FBXO38: variants seen among roughly 807,000 people sequenced by gnomAD.
FBXO38 encodes F-box only protein 38.
In FBXO38, 53 loss-of-function variants were observed where a neutral mutation model predicts 131.9. The ratio of observed to expected loss-of-function variants is 0.40; its 90% CI spans 0.32 to 0.51. FBXO38 has a LOEUF of 0.51. Ranked by LOEUF, FBXO38 falls within the 20% of genes least tolerant of loss-of-function variation. FBXO38 has a pLI of 0.53. For missense variants in FBXO38, 1,076 were observed against 1,475.6 expected (o/e 0.73, Z 4.44); for synonymous variants, 452 against 505.6 (o/e 0.89, Z 1.42).
chr5:148,386,222 G>GA (rs1757906347), intron 1 of FBXO38, among the ~76,000 whole-genome samples: 1 of 152,124 alleles, frequency 6.6e-6, no homozygotes. Context: ...CCAAGCACTA[G>GA]GGCATTGCTC....
At chr5:148,397,862 G>T (rs1354118106) in intron 2 of FBXO38, among the ~76,000 whole-genome samples, 1 of 152,172 alleles carries the variant, frequency 6.6e-6, no homozygotes, top group Non-Finnish European at 1.5e-5. Context: ...CTATGTCAGT[G>T]AAGTGCCAGC....
Position 148,410,659 on chromosome 5 carries a change from T to A in FBXO38, c.987T>A (p.Pro329=), listed in dbSNP as rs1275510300. 6.2e-7 allele frequency: 1 copy of A among 1,613,968 alleles called. No individual in the cohort carries two copies. Among genetic ancestry groups the A allele is most frequent in the Non-Finnish European group, 8.5e-7 (1 of 1,179,986 alleles). Residue 329 remains proline, a synonymous_variant, in exon 9 of 22, where the codon CCT becomes CCA. Transcript: ENST00000340253. ...ARRLHEVRIQ[P]SLTKDGVFSA... The stretch of plus-strand genomic sequence containing the variant: ...GGTTACATGAAGTTCGGATCCAGCC[T>A]TCCCTAACCAAAGATGGTGTCTTTT...
At chr5:148,423,873 G>A (rs1008357896) in intron 12 of FBXO38, 125 bp from the exon 13 acceptor site, 3 of 759,048 alleles carry the variant, frequency 4.0e-6, no homozygotes, top group Admixed American at 2.8e-5. Context: ...AGTATATGCT[G>A]TTCTTTCAGG....
rs150669186 is a variant in FBXO38, at chr5:148,396,500, G to A, written c.128+1596G>A. ...AAATAAAAGCACATTTTTATCTCAT[G>A]TCTTACAGCTAAATTCAAAATGGGT... is the stretch of plus-strand genomic sequence containing the variant. On this transcript the variant is annotated intron_variant, in intron 2 of 21. Coordinates refer to ENST00000340253, the MANE Select transcript of FBXO38 (RefSeq NM_205836.3). 8.5e-5 allele frequency among the ~76,000 whole-genome samples: 13 copies of A among 152,264 alleles called. No individual in the cohort carries two copies. In the East Asian group the frequency reaches 2.5e-3, roughly 29 times the overall value.
chr5:148,391,711 G>A lies in FBXO38; in HGVS notation c.-63-3003G>A, dbSNP rs140374009. On this transcript the variant is annotated intron_variant, in intron 1 of 21. Transcript: ENST00000340253. ...TCTGAACCAGGATTCCTTGTAGGCC[G>A]ATTGTTTTGTTTTGCTTGGCCATGT... is the stretch of plus-strand genomic sequence containing the variant. Among the ~76,000 whole-genome samples, 169 of 152,238 alleles carry A rather than the reference G, an allele frequency of 1.1e-3. 3 individuals carry two copies. The South Asian group carries it at 0.033, about 30-fold the overall frequency.
intron 1 of FBXO38, among the ~76,000 whole-genome samples, chr5:148,386,924 CAATT>C (rs138059807): frequency 0.034 from 5,239 of 151,938 alleles, 273 homozygotes; most frequent in African/African-American, 0.12. Flanking sequence ...AAAATGCTAA[CAATT>C]AATCTGAGCC....
intron 8 of FBXO38, 190 bp from the exon 9 acceptor site, chr5:148,410,442 TGCC>T: frequency 1.6e-6 from 1 of 609,898 alleles, no homozygotes. Context: ...TGCTCCTTTT[TGCC>T]TTCAGCCATG....
rs192062226 is a variant in FBXO38, at chr5:148,416,886, C to G, written c.1408-108C>G. The G allele has an allele frequency of 9.7e-4, 667 of 684,864 alleles. 6 individuals are homozygous for G. The African/African-American group carries it at 0.011, about 11-fold the overall frequency. The allele number at this position is 684,864 out of a possible 1,614,324, so 42.4% of individuals were successfully genotyped here. ...TGTGAAAGCATTTCATAAATAAGTA[C>G]TATATAAATATTAGTTATAATGTAA... is the stretch of plus-strand genomic sequence containing the variant. On this transcript the variant is annotated intron_variant, in intron 11 of 21. Transcript: ENST00000340253.
intron 6 of FBXO38, 59 bp from the exon 7 acceptor site, chr5:148,406,198 T>A (rs1752435816): frequency 6.9e-7 from 1 of 1,441,144 alleles, no homozygotes; most frequent in African/African-American, 1.5e-5. Flanking sequence ...TTTCACTGAT[T>A]TGAAATTCAT....
chr5:148,433,242 A>G (rs552208901), intron 15 of FBXO38, 182 bp from the exon 16 acceptor site: 36 of 554,662 alleles, frequency 6.5e-5, no homozygotes, highest in Admixed American at 4.6e-4. Flanking sequence ...GTTTGAAGTA[A>G]TGGAGGGTGA....
At chr5:148,398,847 G>T (rs999407124) in intron 2 of FBXO38, 152 bp from the exon 3 acceptor site, 1 of 831,118 alleles carries the variant, frequency 1.2e-6, no homozygotes, top group Admixed American at 2.8e-5. Context: ...GTAAAAAGCT[G>T]TATGACCGTA....
In FBXO38 at chr5:148,394,782, G is replaced by A; in HGVS notation, c.6G>A (p.Gly2=). ...ATACTGGAGACTGCACAACAATGGG[G>A]CCACGAAAGAAAAGTGTGAAAACAT... M[G]PRKKSVKTCI... Residue 2 remains glycine (G), a synonymous_variant, in exon 2 of 22, where the codon GGG becomes GGA. Coordinates refer to ENST00000340253, the MANE Select transcript of FBXO38 (RefSeq NM_205836.3). 6.4e-7 allele frequency: 1 copy of A among 1,568,898 alleles called. No individual in the cohort carries two copies. The highest frequency in any genetic ancestry group is 8.6e-7 in the Non-Finnish European group (1 of 1,158,294).
In FBXO38 at chr5:148,427,827, G is replaced by A; in HGVS notation, c.2533G>A (p.Asp845Asn). ...GAGTGGCTCTGGGGCTACAGGTGAG[G>A]ACAGGAGGGGGAGCTCCCAGCCTGA... is the stretch of plus-strand genomic sequence containing the variant. ...NGSGSGATGE[D>N]RRGSSQPESC... Residue 845 changes from aspartate (D) to asparagine (N), a missense_variant, in exon 15 of 22, where the codon GAC (aspartate) becomes AAC (asparagine). Physicochemically the swap from Asp to Asn is conservative, Grantham distance 23 (BLOSUM62 1). This residue lies in a region of FBXO38 where 213 missense variants were observed against 225.2 expected (regional missense o/e 0.95). Transcript: ENST00000340253. The A allele has an allele frequency of 6.2e-7, 1 of 1,605,448 alleles. No homozygotes were observed. Among genetic ancestry groups the A allele is most frequent in the South Asian group, 1.1e-5 (1 of 89,322 alleles).
chr5:148,400,252 T>C (rs919882253), intron 3 of FBXO38, among the ~76,000 whole-genome samples: 34 of 152,128 alleles, frequency 2.2e-4, no homozygotes, highest in African/African-American at 8.2e-4. Context: ...TGTTTCAGAA[T>C]GATCCTGTAT....
At position 148,440,499 on chromosome 5, in the gene FBXO38, C is replaced by G. The variant is rs959005458; in HGVS notation, c.3246C>G (p.Pro1082=). ...EEDLKKYPKY[P]WGREIYTLEG... is the part of the protein sequence containing the mutation. ...ACTTAAAGAAATACCCCAAGTACCC[C>G]TGGGGGAGAGAAATCTATACTTTAG... The change falls in exon 20 of 22, where the codon CCC becomes CCG. Residue 1082 remains proline (P), a synonymous_variant. Coordinates refer to ENST00000340253, the MANE Select transcript of FBXO38 (RefSeq NM_205836.3). The G allele has an allele frequency of 1.2e-6, 2 of 1,607,704 alleles. No homozygotes were observed. The highest frequency in any genetic ancestry group is 1.1e-5 in the South Asian group (1 of 90,910).
At chr5:148,418,203 C>G (rs970615450) in intron 12 of FBXO38, among the ~76,000 whole-genome samples, 1 of 152,126 alleles carries the variant, frequency 6.6e-6, no homozygotes, top group Non-Finnish European at 1.5e-5. Context: ...GACATTGTTG[C>G]CTAGACTTGT....
At chr5:148,438,111 A>G (rs1157815836) in intron 17 of FBXO38, among the ~76,000 whole-genome samples, 1 of 152,224 alleles carries the variant, frequency 6.6e-6, no homozygotes, top group Non-Finnish European at 1.5e-5. Flanking sequence ...TTTTCTTAAC[A>G]GTAAAATCTT....
Position 148,435,859 on chromosome 5 carries a change from A to G in FBXO38, c.2857+2122A>G, listed in dbSNP as rs1202832680. Among the ~76,000 whole-genome samples, 3 of 152,220 alleles carry G rather than the reference A, an allele frequency of 2.0e-5. No homozygotes were observed. The East Asian group carries it at 5.8e-4, about 29-fold the overall frequency. On this transcript the variant is annotated intron_variant, in intron 17 of 21. Coordinates refer to ENST00000340253, the MANE Select transcript of FBXO38 (RefSeq NM_205836.3). ...CCATTGTAGTGTTATTAATTGGCCT[A>G]ATTTCGACATCATTGTATCTCAGGG...
intron 20 of FBXO38, 120 bp downstream of exon 20, chr5:148,440,647 C>G (rs1754625480): frequency 3.4e-6 from 2 of 591,612 alleles, no homozygotes; most frequent in Middle Eastern, 7.5e-4. Context: ...CAAGACCGGC[C>G]TGGGAAACAA....
Sources: allele counts gnomAD v4.1 joint callset (sites outside exome capture counted in the v4.1 genomes callset), GRCh38; gene constraint gnomAD v4.1.1; regional missense constraint gnomAD v4.1.1; transcripts MANE v1.5; gene names NCBI Gene and HGNC (gene_info 2026-07-23, HGNC 2026-07-21).